The following PRPS2 variants were observed in gnomAD, a reference collection of about 807,000 sequenced individuals.
PRPS2 encodes the protein phosphoribosyl pyrophosphate synthetase 2.
For synonymous variants in PRPS2, 111 were observed against 115.3 expected, an observed-to-expected ratio of 0.96 and a Z score of 0.24; for missense variants, 104 against 271.5, an observed-to-expected ratio of 0.38 and a Z score of 4.34.
At position 12,799,283 on chromosome X, in the gene PRPS2, C is replaced by T; in HGVS notation, c.199C>T (p.Leu67=). The change falls in exon 2 of 7, where the codon CTG becomes TTG. Residue 67 remains leucine (L), a synonymous_variant. Coordinates refer to ENST00000380668, the MANE Select transcript of PRPS2 (RefSeq NM_002765.5). ...CGGCTGCGGGGAAATTAACGACAACCTGATGGAACTCCTCATCATGATCAA... is the reference window on the plus strand; with the variant it reads ...CGGCTGCGGGGAAATTAACGACAACTTGATGGAACTCCTCATCATGATCAA... ...QSGCGEINDN[L]MELLIMINAC... is the part of the protein sequence containing the mutation. 1.7e-6 allele frequency: 2 copies of T among 1,211,496 alleles called. No individual in the cohort carries two copies. Among genetic ancestry groups the T allele is most frequent in the South Asian group, 3.5e-5 (2 of 56,975 alleles).
intron 2 of PRPS2, among the ~76,000 whole-genome samples, chrX:12,804,383 C>T (rs1015786165): frequency 9.0e-6 from 1 of 111,148 alleles, no homozygotes; most frequent in Admixed American, 9.6e-5. Context: ...TTCAAATGAT[C>T]TGCTCACCTC....
intron 6 of PRPS2, 62 bp downstream of exon 6, chrX:12,820,865 A>G (rs2042672174): frequency 8.8e-7 from 1 of 1,136,226 alleles, no homozygotes; most frequent in Non-Finnish European, 1.2e-6. Context: ...CCTTAAAAAT[A>G]GCATCATGTC....
intron 1 of PRPS2, among the ~76,000 whole-genome samples, chrX:12,792,313 C>T (rs2042523905): frequency 8.9e-6 from 1 of 112,246 alleles, no homozygotes. Flanking sequence ...ACTGTGAGAA[C>T]CCCAGGACGC....
chrX:12,814,064 CCCCA>C (rs1286346567), intron 4 of PRPS2, among the ~76,000 whole-genome samples: 1 of 46,559 alleles, frequency 2.1e-5, no homozygotes, highest in Non-Finnish European at 4.1e-5. Context: ...AATCCAGCCC[CCCCA>C]CCCCCGACTC....
Position 12,811,765 on chromosome X carries a change from A to T in PRPS2, c.530+1619A>T, listed in dbSNP as rs1436083282. On this transcript the variant is annotated intron_variant, in intron 4 of 6. Coordinates refer to ENST00000380668, the MANE Select transcript of PRPS2 (RefSeq NM_002765.5). ...ACAAAAGCTTAGAAGTAGCCCAGAAAGTTGTCTTAACACTCTTGCAGGGAA... is the reference window on the plus strand; with the variant it reads ...ACAAAAGCTTAGAAGTAGCCCAGAATGTTGTCTTAACACTCTTGCAGGGAA... 5.4e-5 allele frequency among the ~76,000 whole-genome samples: 6 copies of T among 111,929 alleles called. No homozygotes were observed. In the Admixed American group the frequency reaches 5.7e-4, roughly 11 times the overall value.
intron 4 of PRPS2, 59 bp downstream of exon 4, chrX:12,810,205 C>T (rs753710504): frequency 1.5e-5 from 18 of 1,184,753 alleles, no homozygotes; most frequent in East Asian, 3.0e-5. Flanking sequence ...TTTCCTTTTC[C>T]GATGTATTAG....
chrX:12,819,814 A>G, intron 5 of PRPS2, 134 bp downstream of exon 5: 1 of 788,139 alleles, frequency 1.3e-6, no homozygotes, highest in Non-Finnish European at 1.8e-6. Flanking sequence ...AGGAGATTCT[A>G]GGCCCTTTTA....
At chrX:12,794,604 T>G (rs1273088529) in intron 1 of PRPS2, among the ~76,000 whole-genome samples, 1 of 112,188 alleles carries the variant, frequency 8.9e-6, no homozygotes, top group Non-Finnish European at 1.9e-5. Context: ...TCAGCGTTTT[T>G]ATTTGGGGGT....
At chrX:12,814,066 C>A (rs1414955190) in intron 4 of PRPS2, among the ~76,000 whole-genome samples, 1 of 79,944 alleles carries the variant, frequency 1.3e-5, no homozygotes, top group African/African-American at 4.9e-5. Context: ...TCCAGCCCCC[C>A]CACCCCCGAC....
rs1303668843 is a variant in PRPS2, at chrX:12,799,370, C to A, written c.286C>A (p.Arg96=). The stretch of plus-strand genomic sequence containing the variant: ...CGTGATCCCGTGTTTCCCATACGCC[C>A]GACAAGATAAAAAGGACAAGGTAGG... ...TAVIPCFPYA[R]QDKKDKSRAP... Residue 96 remains arginine, a synonymous_variant, in exon 2 of 7, where the codon CGA becomes AGA. Transcript: ENST00000380668. 1 of 1,208,873 alleles carries A rather than the reference C, an allele frequency of 8.3e-7. No homozygotes were observed. The highest frequency in any genetic ancestry group is 1.8e-5 in the African/African-American group (1 of 56,842).
chrX:12,808,056 A>C (rs2042602872), intron 2 of PRPS2, among the ~76,000 whole-genome samples: 2 of 109,670 alleles, frequency 1.8e-5, no homozygotes, highest in South Asian at 7.9e-4. Flanking sequence ...TTTAGTAGAG[A>C]CAGCGTTTCA....
intron 4 of PRPS2, among the ~76,000 whole-genome samples, chrX:12,815,597 T>C (rs1402077956): frequency 9.0e-6 from 1 of 111,689 alleles, no homozygotes; most frequent in African/African-American, 3.3e-5. Context: ...GGAGTTTGAG[T>C]GGCTTTTATG....
At chrX:12,815,810 C>T (rs1259515394) in intron 4 of PRPS2, among the ~76,000 whole-genome samples, 5 of 110,343 alleles carry the variant, frequency 4.5e-5, no homozygotes, top group Non-Finnish European at 1.9e-5. Flanking sequence ...TGCCCGGCTA[C>T]TTTTTGTATT....
At position 12,821,807 on chromosome X, in the gene PRPS2, G is replaced by A. The variant is rs748776938; in HGVS notation, c.865-897G>A. ...CCGTCCCTGCTGATTGGATGCCGACGGGCCAGCAGAGAGCTGGTAATCATA... is the reference window on the plus strand; with the variant it reads ...CCGTCCCTGCTGATTGGATGCCGACAGGCCAGCAGAGAGCTGGTAATCATA... On this transcript the variant is annotated intron_variant, in intron 6 of 6. Coordinates refer to ENST00000380668, the MANE Select transcript of PRPS2 (RefSeq NM_002765.5). Among the ~76,000 whole-genome samples, 4 of 112,182 alleles carry A rather than the reference G, an allele frequency of 3.6e-5. No homozygotes were observed. The South Asian group carries it at 1.5e-3, about 41-fold the overall frequency.
chrX:12,813,095 C>T (rs929779063), intron 4 of PRPS2, among the ~76,000 whole-genome samples: 4 of 112,108 alleles, frequency 3.6e-5, no homozygotes, highest in Admixed American at 9.5e-5. Context: ...AAAAGTGTCC[C>T]ATCCCTGTTC....
intron 4 of PRPS2, among the ~76,000 whole-genome samples, chrX:12,819,287 A>G (rs756120846): frequency 8.9e-6 from 1 of 112,517 alleles, no homozygotes; most frequent in Admixed American, 9.4e-5. Flanking sequence ...GGGTGCCCTG[A>G]CGGTCATTCC....
intron 4 of PRPS2, among the ~76,000 whole-genome samples, chrX:12,818,038 G>C (rs2042657127): frequency 1.8e-5 from 2 of 111,364 alleles, no homozygotes; most frequent in Admixed American, 1.9e-4. Context: ...ATGGCTCCAA[G>C]GATAAATTCT....
intron 2 of PRPS2, among the ~76,000 whole-genome samples, chrX:12,803,250 C>T (rs1156353370): frequency 1.8e-5 from 2 of 111,920 alleles, no homozygotes; most frequent in Non-Finnish European, 3.8e-5. Context: ...CGCATGGCCT[C>T]CTCTTTGTCT....
chrX:12,803,622 G>T (rs2042580199), intron 2 of PRPS2, among the ~76,000 whole-genome samples: 1 of 112,546 alleles, frequency 8.9e-6, no homozygotes, highest in African/African-American at 3.2e-5. Context: ...ACATGAGGTA[G>T]CATCTAGTGT....
Sources: gnomAD v4.1 joint callset for allele counts (sites outside exome capture counted in the v4.1 genomes callset) on GRCh38, gnomAD v4.1.1 for gene constraint, MANE v1.5 for transcripts, NCBI Gene and HGNC (gene_info 2026-07-23, HGNC 2026-07-21) for gene names.